Variants in DDX54 observed in about 807,000 individuals in gnomAD.
DDX54 encodes ATP-dependent RNA helicase DDX54.
A neutral mutation model predicts 105.5 loss-of-function variants in DDX54; 67 were observed. The ratio of observed to expected loss-of-function variants is 0.64; its 90% CI spans 0.52 to 0.78. The LOEUF is 0.78. DDX54 is among the 30% of genes least tolerant of loss of function. DDX54 has a pLI of 0.00. For synonymous variants in DDX54, 514 were observed against 509.9 expected, an observed-to-expected ratio of 1.01 and a Z score of -0.11; for missense variants, 1,206 against 1,230.5, an observed-to-expected ratio of 0.98 and a Z score of 0.30.
chr12:113,178,905 G>A, intron 5 of DDX54, 72 bp downstream of exon 5: 10 of 1,573,474 alleles, frequency 6.4e-6, no homozygotes, highest in South Asian at 2.3e-5. Context: ...AGCTTAAATC[G>A]AACTAATGTC....
rs1171463061 is a variant in DDX54, at chr12:113,157,828, C to T, written c.*1049G>A. 7.4e-6 allele frequency: 5 copies of T among 675,982 alleles called. No homozygotes were observed. Among genetic ancestry groups the T allele is most frequent in the East Asian group, 5.5e-5 (2 of 36,638 alleles). The allele number at this position is 675,982 out of a possible 1,614,324, so 41.9% of individuals were successfully genotyped here. ...GGGAGGGCTGTGCCTGTTCAGAGTGCTGTGGGCCTGCCATGAGGGGCACAT... is the reference window on the plus strand; with the variant it reads ...GGGAGGGCTGTGCCTGTTCAGAGTGTTGTGGGCCTGCCATGAGGGGCACAT... On this transcript the variant is annotated 3_prime_UTR_variant, in exon 20 of 20. Transcript: ENST00000306014.
chr12:113,163,272 G>A lies in DDX54; in HGVS notation c.1941C>T (p.Asp647=), dbSNP rs1337634465. The A allele has an allele frequency of 1.6e-5, 26 of 1,608,324 alleles. No individual in the cohort carries two copies. The highest frequency in any genetic ancestry group is 2.1e-5 in the Non-Finnish European group (25 of 1,179,864). The stretch of plus-strand genomic sequence containing the variant: ...TCCGGCCCACGACCTCTGAGAAAAT[G>A]TCCTGGCAGAGCACAGACCAAGGCC... ...EEEEAGESVE[D]IFSEVVGRKR... is the part of the protein sequence containing the mutation. Residue 647 remains aspartate (D), a splice_region_variant and synonymous_variant, in exon 16 of 20, where the codon GAC becomes GAT. Coordinates refer to ENST00000306014, the MANE Select transcript of DDX54 (RefSeq NM_024072.4). This position sits in a 1 kb window ranked among gnomAD's most constrained non-coding sequence, Gnocchi z 5.9.
intron 19 of DDX54, 68 bp downstream of exon 19, chr12:113,161,202 C>T (rs1353150161): frequency 5.3e-6 from 7 of 1,319,414 alleles, no homozygotes; most frequent in Admixed American, 2.0e-5. Flanking sequence ...TGTGCCTCAG[C>T]GTTACCCTAA....
At chr12:113,177,139 G>C in intron 5 of DDX54, 46 bp from the exon 6 acceptor site, 1 of 1,603,196 alleles carries the variant, frequency 6.2e-7, no homozygotes, top group Non-Finnish European at 8.5e-7. Flanking sequence ...GGTCTCTTTG[G>C]TTTCCCTTCC....
intron 17 of DDX54, chr12:113,162,582 TC>T: frequency 3.1e-6 from 1 of 318,864 alleles, no homozygotes; most frequent in Non-Finnish European, 5.9e-6. Context: ...GGAGGGCAGC[TC>T]ACTCGATCAC....
At chr12:113,169,740 G>T (rs201527055) in intron 12 of DDX54, 30 bp downstream of exon 12, 3 of 1,607,980 alleles carry the variant, frequency 1.9e-6, no homozygotes, top group Non-Finnish European at 2.6e-6. Flanking sequence ...ACTCCACGGG[G>T]ACCCCTATCC....
Position 113,158,527 on chromosome 12 carries a change from C to T in DDX54, c.*350G>A. The T allele has an allele frequency of 4.5e-6, 1 of 224,086 alleles. No individual in the cohort carries two copies. The highest frequency in any genetic ancestry group is 8.6e-6 in the Non-Finnish European group (1 of 115,858). The allele number at this position is 224,086 out of a possible 1,614,324, so 13.9% of individuals were successfully genotyped here. A position where few individuals can be genotyped will look rare whatever the true frequency, so the allele number is the denominator to read the frequency against. On this transcript the variant is annotated 3_prime_UTR_variant, in exon 20 of 20. Coordinates refer to ENST00000306014, the MANE Select transcript of DDX54 (RefSeq NM_024072.4). This position sits in a 1 kb window ranked among gnomAD's most constrained non-coding sequence, Gnocchi z 4.9. ...ATAAAGATTTATTACATTAAAAATT[C>T]CATTGCCAAACCCTGAGGCACTCAG...
At chr12:113,160,038 G>A (rs1319429960) in intron 19 of DDX54, among the ~76,000 whole-genome samples, 40 of 152,136 alleles carry the variant, frequency 2.6e-4, no homozygotes, top group Admixed American at 2.3e-3. Flanking sequence ...GGTCGCCCCC[G>A]TCTCCCCAGC....
chr12:113,158,647 G>T lies in DDX54; in HGVS notation c.*230C>A. ...CTCAAGTCTTGGCCTGCCTGGCTTT[G>T]CTGGCGAACTCCTGCACACCCTTCA... On this transcript the variant is annotated 3_prime_UTR_variant, in exon 20 of 20. Coordinates refer to ENST00000306014, the MANE Select transcript of DDX54 (RefSeq NM_024072.4). This position sits in a 1 kb window ranked among gnomAD's most constrained non-coding sequence, Gnocchi z 4.9. The T allele has an allele frequency of 4.0e-6, 2 of 503,212 alleles. No individual in the cohort carries two copies. The highest frequency in any genetic ancestry group is 8.2e-5 in the Admixed American group (2 of 24,352). 31.2% of individuals were successfully genotyped at this position (503,212 alleles called of 1,614,324 possible). A position where few individuals can be genotyped will look rare whatever the true frequency, so the allele number is the denominator to read the frequency against.
At chr12:113,173,508 G>A (rs748369060) in intron 10 of DDX54, among the ~76,000 whole-genome samples, 1 of 152,196 alleles carries the variant, frequency 6.6e-6, no homozygotes, top group Non-Finnish European at 1.5e-5. Flanking sequence ...CTGACAGGGA[G>A]GCAGGCACCA....
Position 113,161,346 on chromosome 12 carries a change from A to G in DDX54, c.2337T>C (p.Asp779=), listed in dbSNP as rs751631121. The G allele has an allele frequency of 6.2e-7, 1 of 1,613,164 alleles. No homozygotes were observed. Among genetic ancestry groups the G allele is most frequent in the East Asian group, 2.2e-5 (1 of 44,850 alleles). ...ATGCCCCTTCTTCGTCCGAGTCACGATCATCAATTTTCTGTTTCTGTTTCC... is the reference window on the plus strand; with the variant it reads ...ATGCCCCTTCTTCGTCCGAGTCACGGTCATCAATTTTCTGTTTCTGTTTCC... The part of the protein sequence containing the change: ...QKWKQKQKID[D]RDSDEEGASD... Residue 779 remains aspartate (D), a synonymous_variant, in exon 19 of 20, where the codon GAT becomes GAC. Coordinates refer to ENST00000306014, the MANE Select transcript of DDX54 (RefSeq NM_024072.4).
rs759189689 is a variant in DDX54 at position 113,172,580 on chromosome 12, T to C, written c.1069-17A>G. On this transcript the variant is annotated splice_polypyrimidine_tract_variant and intron_variant, in intron 10 of 19. Coordinates refer to ENST00000306014, the MANE Select transcript of DDX54 (RefSeq NM_024072.4). ...CGTCAGCAGCTGCTCAGAGCAAAGATGGTAGCAAAGTGAGAAGGAGACTTG... is the reference window on the plus strand; with the variant it reads ...CGTCAGCAGCTGCTCAGAGCAAAGACGGTAGCAAAGTGAGAAGGAGACTTG... 13 of 1,612,582 alleles carry C rather than the reference T, an allele frequency of 8.1e-6. No homozygotes were observed. The highest frequency in any genetic ancestry group is 1.6e-4 in the Middle Eastern group (1 of 6,068).
rs774522718 is a variant in DDX54 at position 113,176,854 on chromosome 12, G to C, written c.738C>G (p.Phe246Leu). ...LKLQSVEYVVFDEADRLFEMG... is the reference protein window; with the variant it reads ...LKLQSVEYVVLDEADRLFEMG... ...TGCAGCCTTACCGGTCAGCTTCATC[G>C]AACACCACGTATTCCACACTCTGCA... Residue 246 changes from phenylalanine (F) to leucine (L), a missense_variant, in exon 7 of 20, where the codon TTC becomes TTG. By Grantham distance (22) the Phe-to-Leu change is conservative. Transcript: ENST00000306014. The C allele has an allele frequency of 6.2e-7, 1 of 1,613,998 alleles. No homozygotes were observed. Among genetic ancestry groups the C allele is most frequent in the African/African-American group, 1.3e-5 (1 of 74,904 alleles).
At chr12:113,177,849 AC>A (rs1338214158) in intron 5 of DDX54, among the ~76,000 whole-genome samples, 1 of 152,064 alleles carries the variant, frequency 6.6e-6, no homozygotes, top group African/African-American at 2.4e-5. Flanking sequence ...GGCACCTACT[AC>A]CTAGGAAGGG....
chr12:113,170,313 G>A (rs1952321691), intron 11 of DDX54, among the ~76,000 whole-genome samples: 1 of 152,178 alleles, frequency 6.6e-6, no homozygotes, highest in East Asian at 1.9e-4. Flanking sequence ...GCCACACAGT[G>A]GGAATTAAAC....
chr12:113,163,036 G>A lies in DDX54; in HGVS notation c.2091C>T (p.Ile697=). ...GCTCAAAGGCTCCCCCTTCCCCGCTGATGCTCAGGCTGCAGAGGGAGAGTG... is the reference window on the plus strand; with the variant it reads ...GCTCAAAGGCTCCCCCTTCCCCGCTAATGCTCAGGCTGCAGAGGGAGAGTG... ...KDFDSERGLS[I]SGEGGAFEQQ... Residue 697 remains isoleucine (I), a synonymous_variant, in exon 17 of 20, where the codon ATC becomes ATT. Transcript: ENST00000306014. This position sits in a 1 kb window ranked among gnomAD's most constrained non-coding sequence, Gnocchi z 5.9. The A allele has an allele frequency of 6.2e-7, 1 of 1,609,328 alleles. No homozygotes were observed. The highest frequency in any genetic ancestry group is 8.5e-7 in the Non-Finnish European group (1 of 1,179,248).
Position 113,158,886 on chromosome 12 carries a change from C to T in DDX54, c.2637G>A (p.Lys879=), listed in dbSNP as rs1297329112. 1 of 1,601,978 alleles carries T rather than the reference C, an allele frequency of 6.2e-7. No homozygotes were observed. Among genetic ancestry groups the T allele is most frequent in the Non-Finnish European group, 8.5e-7 (1 of 1,171,416 alleles). The stretch of plus-strand genomic sequence containing the variant: ...GGCTGGGTCCTGGTCCTCACATCCT[C>T]TTCCGCATCTTGCCCTTCTTGGAGC... ...GARSKKGKMR[K]RM The change falls in exon 20 of 20, where the codon AAG becomes AAA. Residue 879 remains lysine (K), a synonymous_variant. Transcript: ENST00000306014. The surrounding 1 kb of genome is among the most constrained non-coding windows in gnomAD (Gnocchi z 4.9).
intron 7 of DDX54, 137 bp from the exon 8 acceptor site, chr12:113,175,294 C>T: frequency 1.7e-6 from 2 of 1,196,790 alleles, no homozygotes; most frequent in Non-Finnish European, 1.1e-6. Flanking sequence ...TCACACTTAT[C>T]ACGTGACTTC....
chr12:113,179,864 G>A, intron 3 of DDX54, 71 bp downstream of exon 3: 1 of 1,562,450 alleles, frequency 6.4e-7, no homozygotes. Context: ...AGGGGTGGCT[G>A]TCAAGGGGCC....
Sources: allele counts gnomAD v4.1 joint callset (sites outside exome capture counted in the v4.1 genomes callset), GRCh38; gene constraint gnomAD v4.1.1; non-coding constraint Gnocchi (gnomAD v3.1); transcripts MANE v1.5; gene names NCBI Gene and HGNC (gene_info 2026-07-23, HGNC 2026-07-21).